HHIPL1: variants seen among roughly 807,000 people sequenced by gnomAD.
HHIPL1 encodes the protein HHIP like 1.
In HHIPL1, 43 loss-of-function variants were observed where a neutral mutation model predicts 61.8. The ratio of observed to expected loss-of-function variants is 0.70; its 90% CI spans 0.55 to 0.90. The LOEUF is 0.90. HHIPL1 is among the 40% of genes least tolerant of loss of function. HHIPL1 has a pLI of 0.00. For missense variants in HHIPL1, 1,056 were observed against 1,157.7 expected (o/e 0.91, Z 1.28); for synonymous variants, 482 against 515.8 (o/e 0.93, Z 0.89).
the HHIPL1 span, among the ~76,000 whole-genome samples, chr14:99,620,395 C>A: frequency 6.6e-6 from 1 of 152,246 alleles, no homozygotes; most frequent in Non-Finnish European, 1.5e-5. Context: ...AGCCCCTGCC[C>A]TGACCTGGGC....
At position 99,655,946 on chromosome 14, in the gene HHIPL1, C is replaced by T. The variant is rs181966819; in HGVS notation, c.903-1054C>T. On this transcript the variant is annotated intron_variant, in intron 2 of 8. Coordinates refer to ENST00000330710, the MANE Select transcript of HHIPL1 (RefSeq NM_001127258.3). Reference sequence around the variant, plus strand: ...CTGCTGTCTCTGCAGCCACCACTTCCGGAGGCAGGGCTAGAAGCCAAAGAA... The same window carrying T: ...CTGCTGTCTCTGCAGCCACCACTTCTGGAGGCAGGGCTAGAAGCCAAAGAA... Among the ~76,000 whole-genome samples, 16 of 152,314 alleles carry T rather than the reference C, an allele frequency of 1.1e-4. No individual in the cohort carries two copies. The East Asian group carries it at 1.5e-3, about 15-fold the overall frequency.
rs66953128 is a variant in HHIPL1 at position 99,646,792 on chromosome 14, A to AATATG, written c.255+1370_255+1374dup. Among the ~76,000 whole-genome samples the AATATG allele has an allele frequency of 8.1e-3, 1,054 of 130,890 alleles. 13 individuals are homozygous for AATATG. The highest frequency in any genetic ancestry group is 0.027 in the African/African-American group (885 of 33,084). The allele number at this position is 130,890 out of a possible 152,430, so 85.9% of individuals were successfully genotyped here. On this transcript the variant is annotated intron_variant, in intron 1 of 8. Transcript: ENST00000330710. Reference sequence around the variant, plus strand: ...CCGTCTCAAAAATATAATATAATATAATATGATATGATATGATATGATATG... The same window carrying AATATG: ...CCGTCTCAAAAATATAATATAATATAATATGATATGATATGATATGATATGATATG...
At chr14:99,606,243 G>A in the HHIPL1 span, among the ~76,000 whole-genome samples, 1 of 152,144 alleles carries the variant, frequency 6.6e-6, no homozygotes, top group Non-Finnish European at 1.5e-5. Context: ...CTGAGGGGAG[G>A]GGACATCCTC....
chr14:99,610,174 G>A, the HHIPL1 span, among the ~76,000 whole-genome samples: 1 of 152,222 alleles, frequency 6.6e-6, no homozygotes, highest in East Asian at 1.9e-4. Context: ...ACAAGAGGGA[G>A]GCTCAACATA....
chr14:99,628,644 A>G, the HHIPL1 span, among the ~76,000 whole-genome samples: 151 of 152,108 alleles, frequency 9.9e-4, 1 homozygote, highest in African/African-American at 3.5e-3. Flanking sequence ...TTTGGTAAGC[A>G]TGTATTTTCT....
At chr14:99,647,990 C>T (rs1466440615) in intron 1 of HHIPL1, among the ~76,000 whole-genome samples, 2 of 151,930 alleles carry the variant, frequency 1.3e-5, no homozygotes, top group Non-Finnish European at 2.9e-5. Flanking sequence ...ATCATCAAAG[C>T]ATGGTTTCTG....
rs1276928376 is a variant in HHIPL1, at chr14:99,652,715, T to A, written c.747T>A (p.Arg249=). Residue 249 remains arginine (R), a synonymous_variant, in exon 2 of 9, where the codon CGT becomes CGA. Coordinates refer to ENST00000330710, the MANE Select transcript of HHIPL1 (RefSeq NM_001127258.3). The part of the protein sequence containing the change: ...VLTSPWEGDE[R]GFLGIAFHPS... ...CCTCGCCCTGGGAGGGTGACGAGCGTGGCTTCCTGGGCATTGCCTTCCACC... is the reference window on the plus strand; with the variant it reads ...CCTCGCCCTGGGAGGGTGACGAGCGAGGCTTCCTGGGCATTGCCTTCCACC... 6.2e-7 allele frequency: 1 copy of A among 1,613,992 alleles called. No individual in the cohort carries two copies. The highest frequency in any genetic ancestry group is 8.5e-7 in the Non-Finnish European group (1 of 1,180,020).
At chr14:99,633,385 C>T in the HHIPL1 span, among the ~76,000 whole-genome samples, 7 of 152,208 alleles carry the variant, frequency 4.6e-5, no homozygotes, top group African/African-American at 1.7e-4. Context: ...TGATGCCTGG[C>T]AGACCCCCAC....
At chr14:99,651,673 A>C (rs2055932700) in intron 1 of HHIPL1, among the ~76,000 whole-genome samples, 1 of 152,174 alleles carries the variant, frequency 6.6e-6, no homozygotes, top group South Asian at 2.1e-4. Context: ...TCAGAGTATC[A>C]GGAGATGGAA....
At chr14:99,641,454 C>T (rs1360269646), upstream of HHIPL1, among the ~76,000 whole-genome samples, 1 of 150,118 alleles carries the variant, frequency 6.7e-6, no homozygotes, top group Non-Finnish European at 1.5e-5. Context: ...CGTTCTGTTG[C>T]CCAGGCTGGA....
chr14:99,652,683 G>T lies in HHIPL1; in HGVS notation c.715G>T (p.Val239Leu), dbSNP rs768022444. The T allele has an allele frequency of 2.5e-6, 4 of 1,613,966 alleles. No homozygotes were observed. Among genetic ancestry groups the T allele is most frequent in the Non-Finnish European group, 2.5e-6 (3 of 1,180,006 alleles). ...GCCTTTCCTGAACATCAGCCGGGTG[G>T]TGCTCACCTCGCCCTGGGAGGGTGA... is the stretch of plus-strand genomic sequence containing the variant. The part of the protein sequence containing the change: ...GKPFLNISRV[V>L]LTSPWEGDER... Residue 239 changes from valine (V) to leucine (L), a missense_variant, in exon 2 of 9, where the codon GTG becomes TTG. Coordinates refer to ENST00000330710, the MANE Select transcript of HHIPL1 (RefSeq NM_001127258.3).
chr14:99,659,537 C>T lies in HHIPL1; in HGVS notation c.1156C>T (p.Pro386Ser). 1 of 1,545,054 alleles carries T rather than the reference C, an allele frequency of 6.5e-7. No homozygotes were observed. The highest frequency in any genetic ancestry group is 8.7e-7 in the Non-Finnish European group (1 of 1,149,284). The change falls in exon 4 of 9, where the codon CCC (proline) becomes TCC (serine). Residue 386 changes from proline to serine, a missense_variant. By Grantham distance (74) the Pro-to-Ser change is moderately conservative. Coordinates refer to ENST00000330710, the MANE Select transcript of HHIPL1 (RefSeq NM_001127258.3). ...GTTCGTGGGCGACCCCGCGGCGCAG[C>T]CCGAGGTCTACGCCCTGGGCGTGCG... is the stretch of plus-strand genomic sequence containing the variant. ...NPFVGDPAAQ[P>S]EVYALGVRNM...
At chr14:99,666,930 C>G (rs2140087862) in intron 6 of HHIPL1, among the ~76,000 whole-genome samples, 1 of 151,786 alleles carries the variant, frequency 6.6e-6, no homozygotes, top group Non-Finnish European at 1.5e-5. Flanking sequence ...ACAAGTTACC[C>G]CTCAAGTGCC....
chr14:99,646,696 T>C (rs2055839198), intron 1 of HHIPL1, among the ~76,000 whole-genome samples: 1 of 151,670 alleles, frequency 6.6e-6, no homozygotes, highest in Non-Finnish European at 1.5e-5. Flanking sequence ...AGCACTTGAC[T>C]CTGGGAGGCA....
the HHIPL1 span, among the ~76,000 whole-genome samples, chr14:99,632,572 A>G: frequency 8.5e-5 from 13 of 152,270 alleles, no homozygotes; most frequent in African/African-American, 1.2e-4. Flanking sequence ...TGAGCAGGCT[A>G]TCACTTCCCT....
At chr14:99,625,183 C>G in the HHIPL1 span, 2 of 152,180 alleles carry the variant, frequency 1.3e-5, no homozygotes, top group East Asian at 3.9e-4. Flanking sequence ...CATCCCAAGC[C>G]GGGTTGGCCA....
At chr14:99,624,079 C>G in the HHIPL1 span, among the ~76,000 whole-genome samples, 1 of 152,246 alleles carries the variant, frequency 6.6e-6, no homozygotes, top group Non-Finnish European at 1.5e-5. Flanking sequence ...GACAGGGGAG[C>G]TACTCATCCC....
the HHIPL1 span, among the ~76,000 whole-genome samples, chr14:99,623,680 C>G: frequency 6.6e-6 from 1 of 152,158 alleles, no homozygotes; most frequent in Non-Finnish European, 1.5e-5. Context: ...TCCCAAAGTG[C>G]TGGGATTACA....
At chr14:99,626,408 C>T in the HHIPL1 span, among the ~76,000 whole-genome samples, 58 of 152,296 alleles carry the variant, frequency 3.8e-4, no homozygotes, top group African/African-American at 1.2e-3. Flanking sequence ...CCTGCCAGCC[C>T]GGACTGTGGG....
Sources: allele counts gnomAD v4.1 joint callset (sites outside exome capture counted in the v4.1 genomes callset), GRCh38; gene constraint gnomAD v4.1.1; transcripts MANE v1.5; gene names NCBI Gene and HGNC (gene_info 2026-07-23, HGNC 2026-07-21).